Variants in HOXB3 observed in about 807,000 individuals in gnomAD.
HOXB3 encodes homeobox B3.
Under a neutral mutation model 29.2 loss-of-function variants are expected in HOXB3, and 17 were observed. The observed-to-expected ratio is 0.58, with a 90% CI of 0.40 to 0.87. The LOEUF (loss-of-function observed/expected upper bound fraction) is 0.87. Among genes scored for constraint, HOXB3 ranks in the 40% least tolerant of loss-of-function variants. The pLI is 0.00. For synonymous variants in HOXB3, 317 were observed against 285.9 expected, an observed-to-expected ratio of 1.11 and a Z score of -1.10; for missense variants, 637 against 616.3, an observed-to-expected ratio of 1.03 and a Z score of -0.35.
intron 2 of HOXB3, among the ~76,000 whole-genome samples, chr17:48,568,651 G>A (rs1440166360): frequency 6.0e-5 from 9 of 149,638 alleles, no homozygotes; most frequent in South Asian, 2.1e-4. Flanking sequence ...ACACACGCGC[G>A]GACACACACA....
chr17:48,587,486 G>A (rs1017164686), intron 1 of HOXB3, among the ~76,000 whole-genome samples: 2 of 152,204 alleles, frequency 1.3e-5, no homozygotes, highest in East Asian at 3.8e-4. Context: ...CTAGCCCTGG[G>A]AAGGGACTGA....
chr17:48,553,068 A>T (rs900017892), intron 3 of HOXB3: 1 of 152,312 alleles, frequency 6.6e-6, no homozygotes, highest in Non-Finnish European at 1.5e-5. Context: ...AAGTCGGTTT[A>T]GGTCTCTTGC....
At chr17:48,563,607 C>T (rs757946379) in intron 2 of HOXB3, among the ~76,000 whole-genome samples, 5 of 152,216 alleles carry the variant, frequency 3.3e-5, no homozygotes, top group Non-Finnish European at 5.9e-5. Flanking sequence ...GCTGGCATCG[C>T]TTCCCACTCC....
chr17:48,586,487 A>G (rs2070049514), intron 1 of HOXB3, among the ~76,000 whole-genome samples: 1 of 152,202 alleles, frequency 6.6e-6, no homozygotes, highest in Non-Finnish European at 1.5e-5. Flanking sequence ...TGTATGCTGC[A>G]GCGGCTCGGA....
chr17:48,583,447 C>A (rs533325837), intron 1 of HOXB3, among the ~76,000 whole-genome samples: 14 of 152,316 alleles, frequency 9.2e-5, no homozygotes, highest in South Asian at 4.1e-4. Flanking sequence ...TTGCCTACAA[C>A]ACACTTCTCC....
chr17:48,560,537 C>T (rs779758417), intron 2 of HOXB3, among the ~76,000 whole-genome samples: 5 of 152,118 alleles, frequency 3.3e-5, no homozygotes, highest in South Asian at 2.1e-4. Context: ...CCTCCTTCCC[C>T]GGAATTCATA....
chr17:48,554,459 AG>A lies in HOXB3; in HGVS notation c.-159+1071del. ...ACCATCGCGGGACGGAGGCCAGGCG[AG>A]TGTGGAAAGCGAAGGAGCCAGAGAC... On this transcript the variant is annotated intron_variant, in intron 3 of 4. Coordinates refer to ENST00000498678, the MANE Select transcript of HOXB3 (RefSeq NM_001384749.1). The surrounding 1 kb of genome is among the most constrained non-coding windows in gnomAD (Gnocchi z 4.1). 1 of 598,478 alleles carries A rather than the reference AG, an allele frequency of 1.7e-6. No individual in the cohort carries two copies. Among genetic ancestry groups the A allele is most frequent in the Non-Finnish European group, 3.0e-6 (1 of 336,158 alleles). The allele number at this position is 598,478 out of a possible 1,614,324, so 37.1% of individuals were successfully genotyped here.
chr17:48,572,764 G>A (rs2069627316), intron 2 of HOXB3, among the ~76,000 whole-genome samples: 1 of 152,150 alleles, frequency 6.6e-6, no homozygotes. Flanking sequence ...GCAAAGATGG[G>A]TTTGGGGCCT....
chr17:48,558,926 GGT>G (rs999240313), intron 2 of HOXB3, among the ~76,000 whole-genome samples: 6 of 150,988 alleles, frequency 4.0e-5, no homozygotes, highest in African/African-American at 4.9e-5. Context: ...ATGTGTGTAG[GGT>G]GTGTGTGTGT....
chr17:48,573,590 G>C (rs988401784), intron 2 of HOXB3, among the ~76,000 whole-genome samples: 7 of 152,008 alleles, frequency 4.6e-5, no homozygotes, highest in African/African-American at 1.7e-4. Flanking sequence ...GTTTTTCATG[G>C]GCCCTGACAC....
At chr17:48,573,755 C>T (rs543792367) in intron 2 of HOXB3, 82 bp downstream of exon 2, 49 of 662,000 alleles carry the variant, frequency 7.4e-5, no homozygotes, top group South Asian at 6.7e-4. Flanking sequence ...AAGGAAGAGG[C>T]GAGAGAGTGT....
chr17:48,578,105 CCAGGGTCCCGGCAG>C, intron 1 of HOXB3: 1 of 1,242,608 alleles, frequency 8.0e-7, no homozygotes, highest in Non-Finnish European at 1.0e-6. Flanking sequence ...CGGCGGGGGC[CCAGGGTCCCGGCAG>C]GCCGCGTAGC....
chr17:48,554,738 GC>G lies in HOXB3; in HGVS notation c.-159+792del. The G allele has an allele frequency of 1.4e-6, 1 of 702,386 alleles. No individual in the cohort carries two copies. Among genetic ancestry groups the G allele is most frequent in the South Asian group, 1.5e-5 (1 of 67,590 alleles). The allele number at this position is 702,386 out of a possible 1,614,324, so 43.5% of individuals were successfully genotyped here. On this transcript the variant is annotated intron_variant, in intron 3 of 4. Coordinates refer to ENST00000498678, the MANE Select transcript of HOXB3 (RefSeq NM_001384749.1). The surrounding 1 kb of genome is among the most constrained non-coding windows in gnomAD (Gnocchi z 4.1). Reference sequence around the variant, plus strand: ...GGCCGAGGGCCGAGCCCCGCGGGCGGCAGCAAGTTTTGGGAGCTGGAGGTAA... The same window carrying G: ...GGCCGAGGGCCGAGCCCCGCGGGCGGAGCAAGTTTTGGGAGCTGGAGGTAA...
At chr17:48,578,594 G>A (rs1373570599) in intron 1 of HOXB3, 1 of 389,978 alleles carries the variant, frequency 2.6e-6, no homozygotes, top group Non-Finnish European at 4.5e-6. Context: ...CTCCTGCGGG[G>A]CGACCCCCTC....
chr17:48,587,426 C>T (rs901566110), intron 1 of HOXB3, among the ~76,000 whole-genome samples: 7 of 152,122 alleles, frequency 4.6e-5, no homozygotes, highest in African/African-American at 1.7e-4. Flanking sequence ...CCCTGTCTTC[C>T]GAGATTGACC....
intron 1 of HOXB3, among the ~76,000 whole-genome samples, chr17:48,588,049 G>C (rs1323304170): frequency 1.3e-5 from 2 of 152,236 alleles, no homozygotes; most frequent in Non-Finnish European, 2.9e-5. Context: ...AGAGAGTAGA[G>C]CAGCTCTCTT....
At chr17:48,587,479 G>A (rs2070069069) in intron 1 of HOXB3, among the ~76,000 whole-genome samples, 1 of 152,180 alleles carries the variant, frequency 6.6e-6, no homozygotes, top group Non-Finnish European at 1.5e-5. Flanking sequence ...GGGGAGACTA[G>A]CCCTGGGAAG....
intron 1 of HOXB3, chr17:48,575,160 A>G (rs1454007047): frequency 6.6e-6 from 1 of 152,256 alleles, no homozygotes; most frequent in Non-Finnish European, 1.5e-5. Flanking sequence ...TGCTTATGAC[A>G]AATAAATCAC....
At position 48,550,465 on chromosome 17, in the gene HOXB3, C is replaced by G. The variant is rs775886982; in HGVS notation, c.1165G>C (p.Ala389Pro). 1.2e-6 allele frequency: 2 copies of G among 1,612,196 alleles called. No individual in the cohort carries two copies. Among genetic ancestry groups the G allele is most frequent in the Non-Finnish European group, 1.7e-6 (2 of 1,179,620 alleles). Reference sequence around the variant, plus strand: ...TGCTGGCTGGGCGCCATAGGGGGCGCCCCGTTGTAGTCCAGGTTCCCGGAA... The same window carrying G: ...TGCTGGCTGGGCGCCATAGGGGGCGGCCCGTTGTAGTCCAGGTTCCCGGAA... ...HPSGNLDYNG[A>P]PPMAPSQHHG... The change falls in exon 5 of 5, where the codon GCG (alanine) becomes CCG (proline). Residue 389 changes from alanine to proline, a missense_variant. Coordinates refer to ENST00000498678, the MANE Select transcript of HOXB3 (RefSeq NM_001384749.1).
Sources: allele counts gnomAD v4.1 joint callset (sites outside exome capture counted in the v4.1 genomes callset), GRCh38; gene constraint gnomAD v4.1.1; non-coding constraint Gnocchi (gnomAD v3.1); transcripts MANE v1.5; gene names NCBI Gene and HGNC (gene_info 2026-07-23, HGNC 2026-07-21).